The following MACROD2 variants were observed in gnomAD, a reference collection of about 807,000 sequenced individuals.
MACROD2 encodes the protein ADP-ribose glycohydrolase MACROD2.
A neutral mutation model predicts 70.4 loss-of-function variants in MACROD2; 36 were observed. The ratio of observed to expected loss-of-function variants is 0.51; its 90% CI spans 0.39 to 0.68. MACROD2 has a LOEUF of 0.68. Among genes scored for constraint, MACROD2 ranks in the 30% least tolerant of loss-of-function variants. The pLI is 0.00. For synonymous variants in MACROD2, 172 were observed against 178.8 expected (o/e 0.96, Z 0.30); for missense variants, 496 against 538.4 (o/e 0.92, Z 0.78).
chr20:14,996,409 G>A (rs1263109706), intron 5 of MACROD2, among the ~76,000 whole-genome samples: 1 of 152,136 alleles, frequency 6.6e-6, no homozygotes, highest in Non-Finnish European at 1.5e-5. Flanking sequence ...GCCCATTGAA[G>A]AGTCTTCCAG....
intron 5 of MACROD2, among the ~76,000 whole-genome samples, chr20:14,913,999 C>T (rs2074059981): frequency 6.6e-6 from 1 of 152,146 alleles, no homozygotes; most frequent in East Asian, 1.9e-4. Flanking sequence ...TGTTTGGCTG[C>T]AGATACCGCA....
At chr20:14,034,837 A>C (rs2053288667) in intron 2 of MACROD2, among the ~76,000 whole-genome samples, 1 of 152,334 alleles carries the variant, frequency 6.6e-6, no homozygotes, top group Non-Finnish European at 1.5e-5. Context: ...TTCATTGTAC[A>C]TTAAGAAAAT....
intron 5 of MACROD2, among the ~76,000 whole-genome samples, chr20:14,780,931 T>C (rs1415898939): frequency 6.6e-6 from 1 of 152,134 alleles, no homozygotes; most frequent in Non-Finnish European, 1.5e-5. Flanking sequence ...AATTGACAAA[T>C]AGTAATTTTA....
chr20:14,241,529 A>C (rs2081929622), intron 3 of MACROD2, among the ~76,000 whole-genome samples: 1 of 152,142 alleles, frequency 6.6e-6, no homozygotes, highest in Non-Finnish European at 1.5e-5. Context: ...AATTATATAT[A>C]TATGATACAT....
intron 4 of MACROD2, among the ~76,000 whole-genome samples, chr20:14,651,187 C>T (rs540995743): frequency 5.3e-5 from 8 of 152,124 alleles, no homozygotes; most frequent in Non-Finnish European, 1.0e-4. Context: ...ACAGGGACAG[C>T]GTATGCTGCA....
intron 6 of MACROD2, among the ~76,000 whole-genome samples, chr20:15,392,600 T>C (rs2045808223): frequency 1.3e-5 from 2 of 152,164 alleles, no homozygotes; most frequent in South Asian, 4.1e-4. Flanking sequence ...GATTCAGAGA[T>C]ATTAAAGTGA....
In MACROD2 at chr20:14,121,508, T is replaced by G. The variant is rs73903714; in HGVS notation, c.271+35780T>G. 1.8e-3 allele frequency among the ~76,000 whole-genome samples: 279 copies of G among 152,316 alleles called. 1 individual carries two copies. Among genetic ancestry groups the G allele is most frequent in the African/African-American group, 5.1e-3 (211 of 41,582 alleles). On this transcript the variant is annotated intron_variant, in intron 3 of 17. Coordinates refer to ENST00000684519, the MANE Select transcript of MACROD2 (RefSeq NM_001351661.2). ...TTGGACTCTGGAGGGGTTTTAGGACTCCTTGTCTTTTCTGTGGGATTGAAA... is the reference window on the plus strand; with the variant it reads ...TTGGACTCTGGAGGGGTTTTAGGACGCCTTGTCTTTTCTGTGGGATTGAAA...
intron 5 of MACROD2, among the ~76,000 whole-genome samples, chr20:14,777,181 G>A (rs1273362058): frequency 1.3e-5 from 2 of 152,040 alleles, no homozygotes; most frequent in African/African-American, 4.8e-5. Context: ...CTAGGTTTGG[G>A]ACTGCTAGGT....
At chr20:15,488,035 G>C (rs1296794523) in intron 7 of MACROD2, among the ~76,000 whole-genome samples, 1 of 152,130 alleles carries the variant, frequency 6.6e-6, no homozygotes, top group Non-Finnish European at 1.5e-5. Context: ...AAAGCTAAGA[G>C]ACCCTGTCTG....
At chr20:14,885,809 A>C (rs1281492632) in intron 5 of MACROD2, among the ~76,000 whole-genome samples, 1 of 152,098 alleles carries the variant, frequency 6.6e-6, no homozygotes, top group Non-Finnish European at 1.5e-5. Context: ...ATTCAGTCGC[A>C]TTCTTTAGAT....
chr20:15,379,039 A>T (rs1369955812), intron 6 of MACROD2, among the ~76,000 whole-genome samples: 2 of 152,242 alleles, frequency 1.3e-5, no homozygotes, highest in African/African-American at 4.8e-5. Flanking sequence ...ATACATGTTT[A>T]ATTCTCATAA....
At chr20:15,973,474 G>T (rs2066261183) in intron 13 of MACROD2, among the ~76,000 whole-genome samples, 2 of 152,022 alleles carry the variant, frequency 1.3e-5, no homozygotes, top group South Asian at 4.2e-4. Context: ...ATCACAAATA[G>T]AATTAAATAA....
At chr20:14,502,021 G>A (rs1568642315) in intron 4 of MACROD2, among the ~76,000 whole-genome samples, 1 of 152,144 alleles carries the variant, frequency 6.6e-6, no homozygotes, top group African/African-American at 2.4e-5. Flanking sequence ...CTATAAAAAA[G>A]AGAAGTTTAT....
In MACROD2 at chr20:15,407,470, A is replaced by C. The variant is rs1350688127; in HGVS notation, c.541-23935A>C. ...AATAAGATACTTTTTCCAAAATCCTAGTCTCAATGTCTGGTTTTGGGGATC... is the reference window on the plus strand; with the variant it reads ...AATAAGATACTTTTTCCAAAATCCTCGTCTCAATGTCTGGTTTTGGGGATC... On this transcript the variant is annotated intron_variant, in intron 6 of 17. Transcript: ENST00000684519. Among the ~76,000 whole-genome samples, 3 of 152,200 alleles carry C rather than the reference A, an allele frequency of 2.0e-5. No individual in the cohort carries two copies. In the East Asian group the frequency reaches 5.8e-4, roughly 29 times the overall value.
intron 2 of MACROD2, among the ~76,000 whole-genome samples, chr20:14,013,286 T>C (rs1444384840): frequency 6.6e-6 from 1 of 151,262 alleles, no homozygotes; most frequent in Admixed American, 6.6e-5. Context: ...TTTTTTTTTT[T>C]TTTTGAGACG....
At chr20:14,466,042 G>C (rs548180621) in intron 3 of MACROD2, among the ~76,000 whole-genome samples, 1 of 152,130 alleles carries the variant, frequency 6.6e-6, no homozygotes, top group South Asian at 2.1e-4. Flanking sequence ...GAATATCTTT[G>C]TGGCGTTTTC....
chr20:14,672,205 G>A (rs1486305810), intron 4 of MACROD2, among the ~76,000 whole-genome samples: 1 of 152,318 alleles, frequency 6.6e-6, no homozygotes, highest in African/African-American at 2.4e-5. Flanking sequence ...TCACTCATAT[G>A]TCTGGTCAGT....
chr20:14,715,056 T>C (rs1307018644), intron 5 of MACROD2, among the ~76,000 whole-genome samples: 1 of 152,154 alleles, frequency 6.6e-6, no homozygotes, highest in African/African-American at 2.4e-5. Flanking sequence ...GGGTAATTTA[T>C]AAAGGAAAGA....
At chr20:15,661,645 A>G (rs555909689) in intron 8 of MACROD2, among the ~76,000 whole-genome samples, 9 of 152,306 alleles carry the variant, frequency 5.9e-5, no homozygotes, top group African/African-American at 1.9e-4. Context: ...CTGGGAACAA[A>G]CAAACCATAT....
Sources: gnomAD v4.1 joint callset for allele counts (sites outside exome capture counted in the v4.1 genomes callset) on GRCh38, gnomAD v4.1.1 for gene constraint, MANE v1.5 for transcripts, NCBI Gene and HGNC (gene_info 2026-07-23, HGNC 2026-07-21) for gene names.